Variants in TTC7B observed in about 807,000 individuals in gnomAD.
TTC7B encodes the protein tetratricopeptide repeat domain 7B.
TTC7B carries 28 observed loss-of-function variants against 106.8 expected under a neutral mutation model. The observed-to-expected ratio is 0.26, with a 90% confidence interval of 0.19 to 0.36. The LOEUF (loss-of-function observed/expected upper bound fraction) is 0.36, where lower values mean the gene tolerates loss of function less well. Ranked by LOEUF, TTC7B falls within the 10% of genes least tolerant of loss-of-function variation. The pLI, the probability that TTC7B is intolerant of heterozygous loss-of-function variation, is 1.00. For missense variants in TTC7B, 862 were observed against 1,076.4 expected (o/e 0.80, Z 2.79); for synonymous variants, 405 against 430.6 (o/e 0.94, Z 0.74).
At chr14:90,629,523 A>C (rs961549627) in intron 15 of TTC7B, among the ~76,000 whole-genome samples, 2 of 152,238 alleles carry the variant, frequency 1.3e-5, no homozygotes, top group Non-Finnish European at 1.5e-5. Context: ...CTGCACGGAC[A>C]AAGTTTCAAG....
intron 16 of TTC7B, among the ~76,000 whole-genome samples, chr14:90,611,862 C>A (rs1032614446): frequency 6.6e-6 from 1 of 152,178 alleles, no homozygotes; most frequent in Non-Finnish European, 1.5e-5. Flanking sequence ...CCTATCAAAG[C>A]AGCTCCAAAA....
At position 90,774,766 on chromosome 14, in the gene TTC7B, G is replaced by A. The variant is rs186659341; in HGVS notation, c.445+5972C>T. On this transcript the variant is annotated intron_variant, in intron 3 of 19. Transcript: ENST00000328459. The stretch of plus-strand genomic sequence containing the variant: ...TAAAGAGTCCCCCGCTAGGCTGGGC[G>A]CGGTGGCTCACGCCTGTAATCCCAG... 2.4e-3 allele frequency among the ~76,000 whole-genome samples: 363 copies of A among 152,314 alleles called. 1 individual carries two copies. Among genetic ancestry groups the A allele is most frequent in the Non-Finnish European group, 4.1e-3 (277 of 68,024 alleles).
At chr14:90,658,916 C>G (rs916474819) in intron 9 of TTC7B, among the ~76,000 whole-genome samples, 1 of 152,200 alleles carries the variant, frequency 6.6e-6, no homozygotes, top group African/African-American at 2.4e-5. Flanking sequence ...CAGCGAGGAG[C>G]CTCTGGTCCC....
chr14:90,663,499 T>A lies in TTC7B; in HGVS notation c.1153-5112A>T, dbSNP rs1886288397. ...ACCCTTGCTTGAGGCTACTAAGGAC[T>A]GAGACCTTTCCAGCTAGTAGAAGTG... On this transcript the variant is annotated intron_variant, in intron 9 of 19. Transcript: ENST00000328459. This position sits in a 1 kb window ranked among gnomAD's most constrained non-coding sequence, Gnocchi z 4.5. 6.6e-6 allele frequency among the ~76,000 whole-genome samples: 1 copy of A among 152,102 alleles called. No individual in the cohort carries two copies. The highest frequency in any genetic ancestry group is 2.4e-5 in the African/African-American group (1 of 41,436).
chr14:90,560,806 G>C (rs1238945397), intron 19 of TTC7B, among the ~76,000 whole-genome samples: 1 of 152,216 alleles, frequency 6.6e-6, no homozygotes, highest in African/African-American at 2.4e-5. Context: ...AGCTGGTGGG[G>C]GCTGCTGGCG....
rs1478882528 is a variant in TTC7B, at chr14:90,541,401, G to A, written c.2499C>T (p.Ala833=). ...TALELEASSP[A]VPFTIIPRVL is the part of the protein sequence containing the mutation. ...CGCGGGGGATGATGGTGAAGGGCAC[G>A]GCGGGGCTGCTGGCCTCCAGCTCCA... The change falls in exon 20 of 20, where the codon GCC becomes GCT. Residue 833 remains alanine, a synonymous_variant. Coordinates refer to ENST00000328459, the MANE Select transcript of TTC7B (RefSeq NM_001010854.2). 5 of 1,609,558 alleles carry A rather than the reference G, an allele frequency of 3.1e-6. No homozygotes were observed. The South Asian group carries it at 4.4e-5, about 14-fold the overall frequency.
intron 18 of TTC7B, chr14:90,585,525 GC>G (rs1192580786): frequency 6.6e-6 from 1 of 152,520 alleles, no homozygotes; most frequent in African/African-American, 2.4e-5. Flanking sequence ...CTCTGCCTGT[GC>G]CCTGGACCCC....
At position 90,578,413 on chromosome 14, in the gene TTC7B, G is replaced by C; in HGVS notation, c.2108-105C>G. ...GTTCCCTGCACGGGAGTCTGGCGGG[G>C]CGCAGAGCCAGCTGATCCCTGCTCC... On this transcript the variant is annotated intron_variant, in intron 18 of 19. Coordinates refer to ENST00000328459, the MANE Select transcript of TTC7B (RefSeq NM_001010854.2). The surrounding 1 kb of genome is among the most constrained non-coding windows in gnomAD (Gnocchi z 4.7). 8.2e-7 allele frequency: 1 copy of C among 1,213,860 alleles called. No individual in the cohort carries two copies. Among genetic ancestry groups the C allele is most frequent in the Non-Finnish European group, 1.2e-6 (1 of 852,036 alleles). 75.2% of individuals were successfully genotyped at this position (1,213,860 alleles called of 1,614,324 possible).
At chr14:90,659,244 T>A (rs111909094) in intron 9 of TTC7B, among the ~76,000 whole-genome samples, 1,500 of 140,114 alleles carry the variant, frequency 0.011, 28 homozygotes, top group African/African-American at 0.038. Flanking sequence ...AGAGAGAGAG[T>A]GTGTGGAGTG....
rs4900061 is a variant in TTC7B, at chr14:90,790,147, T to C, written c.122-3819A>G. ...CTAAATATCTACCTTTATATCTGTC[T>C]GTGTCCCTACAAAGATGTCTAAAAT... is the stretch of plus-strand genomic sequence containing the variant. On this transcript the variant is annotated intron_variant, in intron 1 of 19. Coordinates refer to ENST00000328459, the MANE Select transcript of TTC7B (RefSeq NM_001010854.2). Among the ~76,000 whole-genome samples, 1,604 of 152,256 alleles carry C rather than the reference T, an allele frequency of 0.011. 58 individuals are homozygous for C. In the East Asian group the frequency reaches 0.12, roughly 12 times the overall value.
intron 1 of TTC7B, among the ~76,000 whole-genome samples, chr14:90,795,119 TA>T (rs1343220618): frequency 1.3e-5 from 2 of 151,772 alleles, no homozygotes; most frequent in Admixed American, 6.6e-5. Context: ...ATTAAAGAAT[TA>T]AATATAAAAC....
chr14:90,618,493 C>T (rs896666519), intron 15 of TTC7B, among the ~76,000 whole-genome samples: 58 of 152,224 alleles, frequency 3.8e-4, no homozygotes, highest in Non-Finnish European at 8.8e-5. Flanking sequence ...GTGTGAGCTT[C>T]GAAAGCCTGA....
At position 90,578,357 on chromosome 14, in the gene TTC7B, C is replaced by A; in HGVS notation, c.2108-49G>T. ...ATGCTTTCCTGGTGCCCCTCTGAGG[C>A]CCTGCGAGCAGCCACCACTCTGATG... On this transcript the variant is annotated intron_variant, in intron 18 of 19. Transcript: ENST00000328459. The surrounding 1 kb of genome is among the most constrained non-coding windows in gnomAD (Gnocchi z 4.7). The A allele has an allele frequency of 1.9e-6, 3 of 1,577,354 alleles. No homozygotes were observed. Among genetic ancestry groups the A allele is most frequent in the Non-Finnish European group, 2.6e-6 (3 of 1,157,818 alleles).
intron 1 of TTC7B, among the ~76,000 whole-genome samples, chr14:90,809,239 T>C (rs1373357474): frequency 6.6e-6 from 1 of 152,230 alleles, no homozygotes; most frequent in Non-Finnish European, 1.5e-5. Flanking sequence ...CTTCTTCCCT[T>C]TTAAGCATGG....
intron 15 of TTC7B, among the ~76,000 whole-genome samples, chr14:90,621,415 A>G (rs4904710): frequency 0.4 from 56,704 of 141,204 alleles, 12,524 homozygotes; most frequent in African/African-American, 0.63. Context: ...ACGTGGGTAC[A>G]GCCGGGATGA....
intron 5 of TTC7B, among the ~76,000 whole-genome samples, chr14:90,702,475 T>A (rs1010953913): frequency 2.0e-4 from 30 of 152,246 alleles, no homozygotes; most frequent in Admixed American, 1.6e-3. Flanking sequence ...TAGGAAGTGC[T>A]TTTTAAGTAT....
intron 16 of TTC7B, among the ~76,000 whole-genome samples, chr14:90,617,201 G>A (rs750780014): frequency 6.6e-6 from 1 of 152,182 alleles, no homozygotes; most frequent in African/African-American, 2.4e-5. Flanking sequence ...GCGGAAAACT[G>A]ATAATAAAGC....
Position 90,540,022 on chromosome 14 carries a change from C to T in TTC7B, c.*1346G>A, listed in dbSNP as rs1355809338. On this transcript the variant is annotated 3_prime_UTR_variant, in exon 20 of 20. Transcript: ENST00000328459. ...GCATGCTCCAATTCCAAAGCCCCAT[C>T]GGGGGAGAGCTAAGGCGAATTCCCA... The T allele has an allele frequency of 6.6e-6, 1 of 152,290 alleles. No individual in the cohort carries two copies. Among genetic ancestry groups the T allele is most frequent in the Non-Finnish European group, 1.5e-5 (1 of 68,110 alleles). 9.4% of individuals were successfully genotyped at this position (152,290 alleles called of 1,614,324 possible). A position where few individuals can be genotyped will look rare whatever the true frequency, so the allele number is the denominator to read the frequency against.
intron 19 of TTC7B, among the ~76,000 whole-genome samples, chr14:90,571,297 A>T (rs1412703828): frequency 6.6e-6 from 1 of 152,260 alleles, no homozygotes; most frequent in Non-Finnish European, 1.5e-5. Flanking sequence ...GTCACCAGAC[A>T]GAAGACAGAG....
Sources: gnomAD v4.1 joint callset for allele counts (sites outside exome capture counted in the v4.1 genomes callset) on GRCh38, gnomAD v4.1.1 for gene constraint, Gnocchi (gnomAD v3.1) non-coding constraint, MANE v1.5 for transcripts, NCBI Gene and HGNC (gene_info 2026-07-23, HGNC 2026-07-21) for gene names.